Variants in TBCD observed in about 807,000 individuals in gnomAD.
TBCD encodes tubulin folding cofactor D.
In TBCD, 105 loss-of-function variants were observed where a neutral mutation model predicts 169.3. The observed-to-expected ratio is 0.62, with a 90% CI of 0.53 to 0.73. The LOEUF (loss-of-function observed/expected upper bound fraction) is 0.73, where lower values mean the gene tolerates loss of function less well. Among genes scored for constraint, TBCD ranks in the 30% least tolerant of loss-of-function variants. The pLI is 0.00. For missense variants in TBCD, 1,444 were observed against 1,600.1 expected (o/e 0.90, Z 1.66); for synonymous variants, 700 against 643.9 (o/e 1.09, Z -1.32).
At chr17:82,776,067 AAAT>A (rs1293787598) in intron 6 of TBCD, among the ~76,000 whole-genome samples, 1 of 152,016 alleles carries the variant, frequency 6.6e-6, no homozygotes, top group African/African-American at 2.4e-5. Flanking sequence ...AAATACAAAA[AAAT>A]TAGCTGGGCA....
chr17:82,893,510 A>C (rs756717641), intron 16 of TBCD, 37 bp from the exon 17 acceptor site: 184 of 1,491,710 alleles, frequency 1.2e-4, no homozygotes, highest in Non-Finnish European at 1.7e-4. Context: ...TGTTCATTCA[A>C]ATTCTTCTTT....
intron 13 of TBCD, among the ~76,000 whole-genome samples, chr17:82,847,538 C>T (rs936022856): frequency 1.3e-5 from 2 of 152,160 alleles, no homozygotes; most frequent in African/African-American, 2.4e-5. Context: ...CATTTGTTGA[C>T]GTTGATGAGT....
At chr17:82,765,381 C>G (rs2047964234) in intron 3 of TBCD, among the ~76,000 whole-genome samples, 1 of 109,010 alleles carries the variant, frequency 9.2e-6, no homozygotes. Context: ...TCATAGTCTG[C>G]TTTTCTTACA....
chr17:82,878,037 TAAA>T (rs1381650416), intron 14 of TBCD, among the ~76,000 whole-genome samples: 1 of 152,222 alleles, frequency 6.6e-6, no homozygotes, highest in African/African-American at 2.4e-5. Context: ...ATTTTAGACT[TAAA>T]GAAGAATTGC....
At position 82,831,463 on chromosome 17, in the gene TBCD, T is replaced by C; in HGVS notation, c.1318+16529T>C. 2 of 1,613,836 alleles carry C rather than the reference T, an allele frequency of 1.2e-6. No individual in the cohort carries two copies. Among genetic ancestry groups the C allele is most frequent in the Non-Finnish European group, 8.5e-7 (1 of 1,179,956 alleles). The stretch of plus-strand genomic sequence containing the variant: ...AGTGACAGGTGGGAGTCTGAGACCA[T>C]AGGAGGAAAATGCAGACTCTGGCCT... On this transcript the variant is annotated intron_variant, in intron 13 of 38. Coordinates refer to ENST00000355528, the MANE Select transcript of TBCD (RefSeq NM_005993.5). The surrounding 1 kb of genome is among the most constrained non-coding windows in gnomAD (Gnocchi z 4.6).
intron 2 of TBCD, among the ~76,000 whole-genome samples, chr17:82,758,397 A>AATAAATT (rs1555672612): frequency 7.8e-6 from 1 of 127,422 alleles, no homozygotes; most frequent in African/African-American, 3.0e-5. Context: ...AAAAAAAAAA[A>AATAAATT]AAAAAATAAA....
At chr17:82,814,990 G>A in intron 13 of TBCD, 56 bp downstream of exon 13, 7 of 1,602,458 alleles carry the variant, frequency 4.4e-6, no homozygotes, top group Non-Finnish European at 5.9e-6. Flanking sequence ...AGCTGGGCAG[G>A]AGAGGCCTGT....
intron 17 of TBCD, among the ~76,000 whole-genome samples, chr17:82,896,453 GT>G (rs1014108505): frequency 0.4 from 36,180 of 91,582 alleles, 4,257 homozygotes; most frequent in Admixed American, 0.46. Context: ...TGTGCTGTCA[GT>G]TTTTTTTTTT....
chr17:82,928,723 C>A (rs1473679182), intron 30 of TBCD, among the ~76,000 whole-genome samples: 2 of 152,090 alleles, frequency 1.3e-5, no homozygotes, highest in Non-Finnish European at 2.9e-5. Context: ...CCATCTCTTC[C>A]CCAGCCCCAG....
At chr17:82,910,487 A>G (rs988239953) in intron 22 of TBCD, among the ~76,000 whole-genome samples, 2 of 152,044 alleles carry the variant, frequency 1.3e-5, no homozygotes, top group African/African-American at 4.8e-5. Flanking sequence ...CTCTTCATAT[A>G]TTCCAGATGC....
chr17:82,874,756 C>T lies in TBCD; in HGVS notation c.1475+4376C>T, dbSNP rs1029567723. On this transcript the variant is annotated intron_variant, in intron 14 of 38. Transcript: ENST00000355528. The surrounding 1 kb of genome is among the most constrained non-coding windows in gnomAD (Gnocchi z 5.0). Reference sequence around the variant, plus strand: ...GGTGCGAGCCTCCCTGCCCAGGAGCCCTGCGCACCCGGGTATCGGTTGGGG... The same window carrying T: ...GGTGCGAGCCTCCCTGCCCAGGAGCTCTGCGCACCCGGGTATCGGTTGGGG... Among the ~76,000 whole-genome samples, 7 of 152,228 alleles carry T rather than the reference C, an allele frequency of 4.6e-5. No homozygotes were observed. The highest frequency in any genetic ancestry group is 1.4e-4 in the African/African-American group (6 of 41,456).
chr17:82,856,545 G>A (rs1002304282), intron 13 of TBCD, among the ~76,000 whole-genome samples: 4 of 152,156 alleles, frequency 2.6e-5, no homozygotes, highest in Non-Finnish European at 4.4e-5. Context: ...GTGGCCTTTC[G>A]TAGATGATGA....
chr17:82,936,767 G>C (rs1331010000), intron 34 of TBCD, among the ~76,000 whole-genome samples: 1 of 152,200 alleles, frequency 6.6e-6, no homozygotes, highest in Non-Finnish European at 1.5e-5. Context: ...TGCCCTCTCA[G>C]AGCTGCTCAT....
intron 22 of TBCD, among the ~76,000 whole-genome samples, chr17:82,910,057 G>A (rs558580661): frequency 9.8e-5 from 15 of 152,376 alleles, no homozygotes; most frequent in Middle Eastern, 3.4e-3. Flanking sequence ...CCACTCACCA[G>A]CCCAGGCTCA....
chr17:82,780,567 G>A (rs1209102342), intron 6 of TBCD, among the ~76,000 whole-genome samples: 1 of 151,134 alleles, frequency 6.6e-6, no homozygotes, highest in South Asian at 2.1e-4. Flanking sequence ...AGAGGTTGCA[G>A]TGAGTCAAGA....
chr17:82,810,499 C>G (rs751320028), intron 12 of TBCD, among the ~76,000 whole-genome samples: 1 of 151,378 alleles, frequency 6.6e-6, no homozygotes, highest in Non-Finnish European at 1.5e-5. Context: ...TCTTGTCAGC[C>G]TTCAGGGAGT....
At chr17:82,757,279 T>TA (rs371503425) in intron 2 of TBCD, among the ~76,000 whole-genome samples, 134 of 152,290 alleles carry the variant, frequency 8.8e-4, no homozygotes, top group African/African-American at 3.1e-3. Flanking sequence ...ACGTGCCTCT[T>TA]AAAGAGTAGT....
intron 37 of TBCD, 98 bp from the exon 38 acceptor site, chr17:82,941,301 C>T (rs2063219857): frequency 1.9e-6 from 2 of 1,061,404 alleles, no homozygotes; most frequent in Admixed American, 2.4e-5. Context: ...GGTCTCCTTT[C>T]CCTGACTGCG....
intron 20 of TBCD, 86 bp from the exon 21 acceptor site, chr17:82,907,675 G>T: frequency 6.8e-7 from 1 of 1,463,606 alleles, no homozygotes; most frequent in East Asian, 2.4e-5. Context: ...TAGGGTCTTG[G>T]GGAGTGTGGC....
Sources: allele counts gnomAD v4.1 joint callset (sites outside exome capture counted in the v4.1 genomes callset), GRCh38; gene constraint gnomAD v4.1.1; non-coding constraint Gnocchi (gnomAD v3.1); transcripts MANE v1.5; gene names NCBI Gene and HGNC (gene_info 2026-07-23, HGNC 2026-07-21).